Variants in LRIT1 observed in about 807,000 individuals in gnomAD.
LRIT1 encodes the protein leucine-rich repeat, immunoglobulin-like domain and transmembrane domain-containing protein 1.
LRIT1 carries 23 observed loss-of-function variants against 24.0 expected under a neutral mutation model. That is an observed-to-expected ratio of 0.96 (90% confidence interval 0.69 to 1.36). The LOEUF (loss-of-function observed/expected upper bound fraction) is 1.36. LRIT1 is among the 40% of genes most tolerant of loss of function. The pLI is 0.00. For missense variants in LRIT1, 846 were observed against 806.3 expected (o/e 1.05, Z -0.60); for synonymous variants, 361 against 340.5 (o/e 1.06, Z -0.66).
chr10:84,233,053 C>T, intron 3 of LRIT1, 150 bp from the exon 4 acceptor site: 1 of 866,538 alleles, frequency 1.2e-6, no homozygotes, highest in Non-Finnish European at 1.7e-6. Flanking sequence ...TTAGACCAGC[C>T]AAGGGTATCA....
At chr10:84,236,389 G>T (rs369248170) in intron 2 of LRIT1, among the ~76,000 whole-genome samples, 86 of 152,256 alleles carry the variant, frequency 5.6e-4, no homozygotes, top group African/African-American at 1.6e-3. Context: ...CCATTAAAGG[G>T]GGAATGGCTA....
rs922320853 is a variant in LRIT1 at position 84,237,317 on chromosome 10, G to A, written c.492C>T (p.Ser164=). The A allele has an allele frequency of 6.4e-7, 1 of 1,550,940 alleles. No individual in the cohort carries two copies. Among genetic ancestry groups the A allele is most frequent in the African/African-American group, 1.4e-5 (1 of 73,044 alleles). The change falls in exon 2 of 4, where the codon AGC becomes AGT. Residue 164 remains serine, a synonymous_variant. Coordinates refer to ENST00000372105, the MANE Select transcript of LRIT1 (RefSeq NM_015613.3). ...LENLTFLDLS[S]NQLMRLPQEL... ...CCTGCGGGAGCCTCATCAGCTGGTT[G>A]CTGGAGAGGTCGAGGAAGGTGAGGT...
Position 84,237,457 on chromosome 10 carries a change from G to A in LRIT1, c.352C>T (p.Arg118Cys), listed in dbSNP as rs763225782. Residue 118 changes from arginine to cysteine, a missense_variant, in exon 2 of 4, where the codon CGC (arginine) becomes TGC (cysteine). Transcript: ENST00000372105. ...RLRELRLPGN[R>C]LAAFPWAALR... is the part of the protein sequence containing the mutation. ...GCCGCCCAGGGGAAGGCGGCCAGGC[G>A]GTTCCCGGGCAGCCGCAGCTCCCGC... is the stretch of plus-strand genomic sequence containing the variant. 22 of 1,562,870 alleles carry A rather than the reference G, an allele frequency of 1.4e-5. No homozygotes were observed. The highest frequency in any genetic ancestry group is 4.1e-5 in the African/African-American group (3 of 73,966).
chr10:84,238,284 G>A (rs1383229353), intron 1 of LRIT1, among the ~76,000 whole-genome samples: 1 of 151,788 alleles, frequency 6.6e-6, no homozygotes, highest in Non-Finnish European at 1.5e-5. Context: ...GAACCTGGGA[G>A]GCAGAGGTTG....
At position 84,231,858 on chromosome 10, in the gene LRIT1, T is replaced by C. The variant is rs149392721; in HGVS notation, c.*69A>G. ...CCGAGCAGGTAAGAGTGGGTGATCG[T>C]GTACTCAGGTGTCAGAGCTAAAGAA... is the stretch of plus-strand genomic sequence containing the variant. On this transcript the variant is annotated 3_prime_UTR_variant, in exon 4 of 4. Transcript: ENST00000372105. 3.8e-3 allele frequency: 5,789 copies of C among 1,518,736 alleles called. 12 individuals carry two copies. Among genetic ancestry groups the C allele is most frequent in the Non-Finnish European group, 4.6e-3 (5,163 of 1,131,044 alleles). The allele number at this position is 1,518,736 out of a possible 1,614,324, so 94.1% of individuals were successfully genotyped here.
Position 84,234,167 on chromosome 10 carries a change from CA to C in LRIT1, c.800del (p.Leu267TrpfsTer19). ...CACAGCGTAGCAGTGCTGTGCCACC[CA>C]AAAGGGACCTGATGCTGGCCACTCC... ...HPGVASIRSL[L>X]GGTALLRCGA... is the part of the protein sequence containing the mutation. On this transcript the variant is annotated frameshift_variant, in exon 3 of 4. Transcript: ENST00000372105. LOFTEE classifies it high-confidence loss of function. 6.2e-7 allele frequency: 1 copy of C among 1,613,892 alleles called. No individual in the cohort carries two copies. The highest frequency in any genetic ancestry group is 8.5e-7 in the Non-Finnish European group (1 of 1,179,916).
intron 2 of LRIT1, among the ~76,000 whole-genome samples, chr10:84,235,783 G>A (rs1258032025): frequency 1.3e-5 from 2 of 151,910 alleles, no homozygotes; most frequent in East Asian, 3.9e-4. Flanking sequence ...GCTAATTTTT[G>A]TATTTTTAGT....
Position 84,237,458 on chromosome 10 carries a change from G to T in LRIT1, c.351C>A (p.Asn117Lys). ...CCGCCCAGGGGAAGGCGGCCAGGCG[G>T]TTCCCGGGCAGCCGCAGCTCCCGCA... ...RRLRELRLPG[N>K]RLAAFPWAAL... The change falls in exon 2 of 4, where the codon AAC becomes AAA. Residue 117 changes from asparagine to lysine, a missense_variant. By Grantham distance (94) the Asn-to-Lys change is moderately conservative (BLOSUM62 0). Coordinates refer to ENST00000372105, the MANE Select transcript of LRIT1 (RefSeq NM_015613.3). 6.4e-7 allele frequency: 1 copy of T among 1,563,866 alleles called. No homozygotes were observed. Among genetic ancestry groups the T allele is most frequent in the Non-Finnish European group, 8.6e-7 (1 of 1,158,084 alleles).
chr10:84,234,013 G>A, intron 3 of LRIT1, 60 bp downstream of exon 3: 1 of 1,364,096 alleles, frequency 7.3e-7, no homozygotes, highest in Non-Finnish European at 9.5e-7. Flanking sequence ...CCCCATTTGG[G>A]GAGCTGCTTT....
rs150991278 is a variant in LRIT1, at chr10:84,237,070, G to T, written c.589+150C>A. 924 of 656,740 alleles carry T rather than the reference G, an allele frequency of 1.4e-3. 1 individual carries two copies. Among genetic ancestry groups the T allele is most frequent in the Non-Finnish European group, 1.9e-3 (728 of 379,228 alleles). The allele number at this position is 656,740 out of a possible 1,614,324, so 40.7% of individuals were successfully genotyped here. On this transcript the variant is annotated intron_variant, in intron 2 of 3. Transcript: ENST00000372105. The stretch of plus-strand genomic sequence containing the variant: ...ATGAACTGCCACAGTCTGGCTTGTG[G>T]ATTGAGCTCCTAAACCCGCCGCTCT...
At chr10:84,235,909 C>A (rs1161357122) in intron 2 of LRIT1, among the ~76,000 whole-genome samples, 1 of 151,542 alleles carries the variant, frequency 6.6e-6, no homozygotes, top group Admixed American at 6.6e-5. Context: ...CCGTACCCGG[C>A]CCAGATGGGT....
Position 84,231,607 on chromosome 10 carries a change from C to T in LRIT1, c.*320G>A. ...ACTGCTATACATCACCAAGATTTTG[C>T]TTTCATTTGTTATACAGCAAAAGCT... On this transcript the variant is annotated 3_prime_UTR_variant, in exon 4 of 4. Coordinates refer to ENST00000372105, the MANE Select transcript of LRIT1 (RefSeq NM_015613.3). The T allele has an allele frequency of 2.9e-6, 1 of 340,482 alleles. No homozygotes were observed. Among genetic ancestry groups the T allele is most frequent in the South Asian group, 3.6e-5 (1 of 27,640 alleles). 21.1% of individuals were successfully genotyped at this position (340,482 alleles called of 1,614,324 possible).
chr10:84,233,318 G>T (rs1842619008), intron 3 of LRIT1, among the ~76,000 whole-genome samples: 1 of 151,724 alleles, frequency 6.6e-6, no homozygotes, highest in Non-Finnish European at 1.5e-5. Flanking sequence ...ACAGGCACAT[G>T]CCACCAAGCC....
Position 84,234,208 on chromosome 10 carries a change from G to C in LRIT1, c.760C>G (p.Pro254Ala). ...SQLELRKCQG[P>A]ELHPGVASIR... ...CTGGCCACTCCTGGATGGAGCTCTGGGCCCTGGCACTTCCTCAGTTCAAGC... is the reference window on the plus strand; with the variant it reads ...CTGGCCACTCCTGGATGGAGCTCTGCGCCCTGGCACTTCCTCAGTTCAAGC... Residue 254 changes from proline to alanine, a missense_variant, in exon 3 of 4, where the codon CCA (proline) becomes GCA (alanine). By Grantham distance (27) the Pro-to-Ala change is conservative. Coordinates refer to ENST00000372105, the MANE Select transcript of LRIT1 (RefSeq NM_015613.3). 2.5e-6 allele frequency: 4 copies of C among 1,614,030 alleles called. No individual in the cohort carries two copies. Among genetic ancestry groups the C allele is most frequent in the Non-Finnish European group, 3.4e-6 (4 of 1,180,020 alleles).
rs116292704 is a variant in LRIT1 at position 84,237,833 on chromosome 10, G to A, written c.123-147C>T. On this transcript the variant is annotated intron_variant, in intron 1 of 3. Transcript: ENST00000372105. The stretch of plus-strand genomic sequence containing the variant: ...CCAAGCCATGACGGGGACCTGGAGA[G>A]GGGCCCGGAGTAAGCAGACCTACTT... The A allele has an allele frequency of 4.2e-3, 2,667 of 633,420 alleles. 67 individuals carry two copies. In the African/African-American group the frequency reaches 0.045, roughly 11 times the overall value. 39.2% of individuals were successfully genotyped at this position (633,420 alleles called of 1,614,324 possible).
chr10:84,239,405 A>G (rs1209135385), intron 1 of LRIT1, among the ~76,000 whole-genome samples: 1 of 152,206 alleles, frequency 6.6e-6, no homozygotes, highest in Non-Finnish European at 1.5e-5. Flanking sequence ...TGATTGTGCC[A>G]CTGCACTCCA....
chr10:84,235,382 C>T (rs1302045460), intron 2 of LRIT1, among the ~76,000 whole-genome samples: 1 of 152,160 alleles, frequency 6.6e-6, no homozygotes, highest in Non-Finnish European at 1.5e-5. Context: ...CTTAATGATA[C>T]ATCTGCAACC....
chr10:84,241,535 A>ACAAAG lies in LRIT1; in HGVS notation c.-97_-96insCTTTG. ...CTCAGCAGCTGCCCACTTGCTCGCC[A>ACAAAG]GCCCCTTACACCCCCTCCTGAGGCC... On this transcript the variant is annotated 5_prime_UTR_variant, in exon 1 of 4. Transcript: ENST00000372105. 7.8e-7 allele frequency: 1 copy of ACAAAG among 1,287,176 alleles called. No individual in the cohort carries two copies. Among genetic ancestry groups the ACAAAG allele is most frequent in the Non-Finnish European group, 1.0e-6 (1 of 967,734 alleles). 79.7% of individuals were successfully genotyped at this position (1,287,176 alleles called of 1,614,324 possible).
At position 84,237,456 on chromosome 10, in the gene LRIT1, C is replaced by G. The variant is rs773355859; in HGVS notation, c.353G>C (p.Arg118Pro). Residue 118 changes from arginine to proline, a missense_variant, in exon 2 of 4, where the codon CGC becomes CCC. By Grantham distance (103) the Arg-to-Pro change is moderately radical. Coordinates refer to ENST00000372105, the MANE Select transcript of LRIT1 (RefSeq NM_015613.3). ...RLRELRLPGN[R>P]LAAFPWAALR... ...CGCCGCCCAGGGGAAGGCGGCCAGG[C>G]GGTTCCCGGGCAGCCGCAGCTCCCG... The G allele has an allele frequency of 1.9e-6, 3 of 1,562,534 alleles. No individual in the cohort carries two copies. Among genetic ancestry groups the G allele is most frequent in the Admixed American group, 3.8e-5 (2 of 52,924 alleles).
Sources: gnomAD v4.1 joint callset for allele counts (sites outside exome capture counted in the v4.1 genomes callset) on GRCh38, gnomAD v4.1.1 for gene constraint, MANE v1.5 for transcripts, NCBI Gene and HGNC (gene_info 2026-07-23, HGNC 2026-07-21) for gene names.